Variants in FOXP1 observed in about 807,000 individuals in gnomAD.
FOXP1 encodes the protein forkhead box protein P1.
Under a neutral mutation model 98.2 loss-of-function variants are expected in FOXP1, and 15 were observed. The ratio of observed to expected loss-of-function variants is 0.15; its 90% CI spans 0.10 to 0.24. The LOEUF (loss-of-function observed/expected upper bound fraction) is 0.24, where lower values mean the gene tolerates loss of function less well. Ranked by LOEUF, FOXP1 falls within the 10% of genes least tolerant of loss-of-function variation. The pLI, the probability that FOXP1 is intolerant of heterozygous loss-of-function variation, is 1.00. For missense variants in FOXP1, 633 were observed against 848.5 expected (o/e 0.75, Z 3.15); for synonymous variants, 371 against 314.5 (o/e 1.18, Z -1.90).
intron 11 of FOXP1, among the ~76,000 whole-genome samples, chr3:71,039,619 C>T (rs2048064922): frequency 6.6e-6 from 1 of 152,156 alleles, no homozygotes; most frequent in Non-Finnish European, 1.5e-5. Context: ...TGGCCTCCTG[C>T]TCTGCCTATG....
chr3:71,236,388 T>G (rs1407354818), intron 5 of FOXP1, among the ~76,000 whole-genome samples: 2 of 152,192 alleles, frequency 1.3e-5, no homozygotes, highest in East Asian at 3.8e-4. Flanking sequence ...ATGCTTTCAT[T>G]GCAGTTCTCG....
intron 14 of FOXP1, among the ~76,000 whole-genome samples, chr3:70,984,069 G>C (rs927422891): frequency 6.6e-6 from 1 of 152,148 alleles, no homozygotes. Flanking sequence ...GAAAAGAATA[G>C]AATCTTTTAA....
chr3:71,500,882 C>G (rs1367079749), intron 2 of FOXP1, among the ~76,000 whole-genome samples: 4 of 152,174 alleles, frequency 2.6e-5, no homozygotes, highest in Non-Finnish European at 5.9e-5. Flanking sequence ...GCCCAGCCAA[C>G]TGGCAGTTAC....
At chr3:71,418,313 T>C (rs2108312621) in intron 3 of FOXP1, among the ~76,000 whole-genome samples, 1 of 152,300 alleles carries the variant, frequency 6.6e-6, no homozygotes, top group South Asian at 2.1e-4. Context: ...ACAAGATGCA[T>C]GGATCCCCAC....
chr3:71,530,397 A>G (rs982359633), intron 2 of FOXP1, among the ~76,000 whole-genome samples: 5 of 152,134 alleles, frequency 3.3e-5, no homozygotes, highest in Non-Finnish European at 5.9e-5. Context: ...TGAACTTCCC[A>G]GCCTCCAGAA....
intron 6 of FOXP1, among the ~76,000 whole-genome samples, chr3:71,127,627 A>T (rs2059305216): frequency 6.6e-6 from 1 of 152,198 alleles, no homozygotes; most frequent in Non-Finnish European, 1.5e-5. Context: ...TGTCACAGGA[A>T]AAAATGCTTC....
chr3:71,579,528 T>C (rs947426918), intron 2 of FOXP1, among the ~76,000 whole-genome samples: 1 of 152,078 alleles, frequency 6.6e-6, no homozygotes, highest in African/African-American at 2.4e-5. Context: ...AAAAAAGAGG[T>C]TGTCTAATCT....
At chr3:71,246,579 GT>G (rs2067766921) in intron 5 of FOXP1, among the ~76,000 whole-genome samples, 2 of 152,236 alleles carry the variant, frequency 1.3e-5, no homozygotes, top group African/African-American at 4.8e-5. Context: ...ATTAAAACAT[GT>G]TTAGCATTCT....
At chr3:71,456,055 A>C (rs565646559) in intron 3 of FOXP1, among the ~76,000 whole-genome samples, 6 of 152,312 alleles carry the variant, frequency 3.9e-5, no homozygotes, top group African/African-American at 1.4e-4. Context: ...CACAGCCAAA[A>C]AGTCATGCCA....
At chr3:71,088,810 AAATTTGCAT>A (rs1054432019) in intron 7 of FOXP1, among the ~76,000 whole-genome samples, 1 of 152,198 alleles carries the variant, frequency 6.6e-6, no homozygotes, top group African/African-American at 2.4e-5. Flanking sequence ...ACGCTGGAGG[AAATTTGCAT>A]AATTTGAGAA....
chr3:71,307,756 C>T (rs2074379788), intron 4 of FOXP1, among the ~76,000 whole-genome samples: 1 of 152,142 alleles, frequency 6.6e-6, no homozygotes, highest in Non-Finnish European at 1.5e-5. Context: ...TCATCTATAT[C>T]TCATACTGGT....
chr3:71,413,976 A>G (rs1440262702), intron 3 of FOXP1, among the ~76,000 whole-genome samples: 1 of 152,124 alleles, frequency 6.6e-6, no homozygotes, highest in African/African-American at 2.4e-5. Flanking sequence ...TGAAGCAGGC[A>G]GGAAGGATGT....
intron 7 of FOXP1, among the ~76,000 whole-genome samples, chr3:71,069,164 A>G (rs1188217385): frequency 6.6e-6 from 1 of 152,234 alleles, no homozygotes; most frequent in Non-Finnish European, 1.5e-5. Flanking sequence ...ACTGTTCCAT[A>G]GGAGTTTAAA....
At chr3:71,556,911 G>A (rs544889396) in intron 2 of FOXP1, among the ~76,000 whole-genome samples, 2 of 152,074 alleles carry the variant, frequency 1.3e-5, no homozygotes, top group African/African-American at 4.8e-5. Flanking sequence ...GAAAGAGAAA[G>A]ATTAAAATCA....
chr3:71,363,649 T>C (rs903697755), intron 3 of FOXP1, among the ~76,000 whole-genome samples: 5 of 152,212 alleles, frequency 3.3e-5, no homozygotes, highest in South Asian at 2.1e-4. Context: ...AGTTTATGTA[T>C]GGTAAACATT....
intron 5 of FOXP1, among the ~76,000 whole-genome samples, chr3:71,236,648 C>T (rs927408064): frequency 7.9e-5 from 12 of 152,108 alleles, no homozygotes; most frequent in African/African-American, 2.7e-4. Context: ...GGCAGGAGGA[C>T]GGCTTGAGCC....
chr3:71,052,594 CTGT>C lies in FOXP1; in HGVS notation c.450_452del (p.Gln151del). On this transcript the variant is annotated inframe_deletion, in exon 9 of 21. Coordinates refer to ENST00000649528, the MANE Select transcript of FOXP1 (RefSeq NM_001349338.3). ...GTAAAAGTTGAAGCTGCAACTGTTC[CTGT>C]TGTTTTTTATAAAACTCTTGAAGCT... 1 of 1,429,702 alleles carries C rather than the reference CTGT, an allele frequency of 7.0e-7. No individual in the cohort carries two copies. The highest frequency in any genetic ancestry group is 9.9e-7 in the Non-Finnish European group (1 of 1,011,472). 88.6% of individuals were successfully genotyped at this position (1,429,702 alleles called of 1,614,324 possible). A position where few individuals can be genotyped will look rare whatever the true frequency, so the allele number is the denominator to read the frequency against.
chr3:71,285,807 T>C (rs2072058802), intron 5 of FOXP1, among the ~76,000 whole-genome samples: 1 of 152,210 alleles, frequency 6.6e-6, no homozygotes, highest in Non-Finnish European at 1.5e-5. Flanking sequence ...AAATCTACAA[T>C]TACACAGTGG....
chr3:71,015,206 C>T (rs2044275275), intron 12 of FOXP1, among the ~76,000 whole-genome samples: 2 of 151,564 alleles, frequency 1.3e-5, no homozygotes, highest in South Asian at 4.2e-4. Context: ...GTGTATATGT[C>T]ATTGATTTGA....
Sources: allele counts gnomAD v4.1 joint callset (sites outside exome capture counted in the v4.1 genomes callset), GRCh38; gene constraint gnomAD v4.1.1; transcripts MANE v1.5; gene names NCBI Gene and HGNC (gene_info 2026-07-23, HGNC 2026-07-21).